PCDH11X: variants seen among roughly 807,000 people sequenced by gnomAD.
The protein encoded by PCDH11X is protocadherin-11 X-linked.
PCDH11X carries 18 observed loss-of-function variants against 53.3 expected under a neutral mutation model. The observed-to-expected ratio is 0.34, with a 90% confidence interval of 0.23 to 0.50. PCDH11X has a LOEUF of 0.50. Among genes scored for constraint, PCDH11X ranks in the 20% least tolerant of loss-of-function variants. The probability of loss-of-function intolerance (pLI) is 0.98; values close to 1 mark genes in which losing one functional copy is unlikely to be tolerated. For missense variants in PCDH11X, 570 were observed against 1,032.4 expected, an observed-to-expected ratio of 0.55 and a Z score of 6.14; for synonymous variants, 279 against 393.3, an observed-to-expected ratio of 0.71 and a Z score of 3.44.
At chrX:92,553,876 T>C (rs1054626646) in intron 10 of PCDH11X, among the ~76,000 whole-genome samples, 1 of 111,111 alleles carries the variant, frequency 9.0e-6, no homozygotes, top group African/African-American at 3.3e-5. Context: ...TTACTCAGAA[T>C]AGAGAATATG....
At chrX:92,005,604 T>C (rs1285850726) in intron 6 of PCDH11X, among the ~76,000 whole-genome samples, 2 of 112,201 alleles carry the variant, frequency 1.8e-5, no homozygotes, top group African/African-American at 3.2e-5. Context: ...GGGTTCATCT[T>C]TTTGCTTTTC....
At position 91,941,723 on chromosome X, in the gene PCDH11X, T is replaced by G. The variant is rs763366758; in HGVS notation, c.3033+62450T>G. Among the ~76,000 whole-genome samples the G allele has an allele frequency of 8.2e-5, 9 of 110,017 alleles. No individual in the cohort carries two copies. In the East Asian group the frequency reaches 2.6e-3, roughly 32 times the overall value. On this transcript the variant is annotated intron_variant, in intron 6 of 10. Coordinates refer to ENST00000682573, the MANE Select transcript of PCDH11X (RefSeq NM_032968.5). ...CTAACTTGACCTAATTGACATTTAT[T>G]GAACATTCCACTCAATGATAGCCGA...
At chrX:91,783,182 T>C (rs1935218815) in intron 1 of PCDH11X, among the ~76,000 whole-genome samples, 1 of 111,800 alleles carries the variant, frequency 8.9e-6, no homozygotes, top group African/African-American at 3.3e-5. Flanking sequence ...AGCTTCCCTT[T>C]CATGACGTAT....
At chrX:92,445,264 C>T (rs1429355327) in intron 9 of PCDH11X, among the ~76,000 whole-genome samples, 23 of 63,768 alleles carry the variant, frequency 3.6e-4, no homozygotes, top group Non-Finnish European at 5.5e-4. Context: ...ACTTGATGTT[C>T]CTCTCTTTAG....
At chrX:92,420,527 C>T (rs761141429) in intron 9 of PCDH11X, 1 of 354,744 alleles carries the variant, frequency 2.8e-6, no homozygotes, top group Non-Finnish European at 5.4e-6. Flanking sequence ...CTTTCTTTAT[C>T]CTTCATCCCA....
chrX:92,276,016 T>C (rs1174871191), intron 8 of PCDH11X, among the ~76,000 whole-genome samples: 1 of 110,232 alleles, frequency 9.1e-6, no homozygotes, highest in Non-Finnish European at 1.9e-5. Flanking sequence ...GGGAAGCAGA[T>C]AATTTGGTTA....
intron 9 of PCDH11X, among the ~76,000 whole-genome samples, chrX:92,411,967 GA>G (rs2071675580): frequency 2.5e-5 from 1 of 40,201 alleles, no homozygotes; most frequent in African/African-American, 8.0e-5. Flanking sequence ...GGAGGAGGAG[GA>G]GGGAAGAAGA....
At chrX:92,311,486 G>A (rs1422413450) in intron 8 of PCDH11X, among the ~76,000 whole-genome samples, 1 of 111,373 alleles carries the variant, frequency 9.0e-6, no homozygotes, top group East Asian at 2.8e-4. Flanking sequence ...AACCCAAGTA[G>A]TCAAATATAT....
At position 92,618,695 on chromosome X, in the gene PCDH11X, C is replaced by T; in HGVS notation, c.3799C>T (p.Leu1267Phe). 1 of 1,211,971 alleles carries T rather than the reference C, an allele frequency of 8.3e-7. No homozygotes were observed. Residue 1267 changes from leucine (L) to phenylalanine (F), a missense_variant, in exon 11 of 11, where the codon CTC (leucine) becomes TTC (phenylalanine). By Grantham distance (22) the Leu-to-Phe change is conservative. Coordinates refer to ENST00000682573, the MANE Select transcript of PCDH11X (RefSeq NM_032968.5). The part of the protein sequence containing the change: ...HSSPLPQVIA[L>F]HRSQAQSSVS... ...CTCTCCTCTGCCACAGGTTATTGCC[C>T]TCCATCGTAGTCAGGCCCAATCATC... is the stretch of plus-strand genomic sequence containing the variant.
In PCDH11X at chrX:91,836,021, G is replaced by A. The variant is rs1937286770; in HGVS notation, c.517G>A (p.Val173Ile). 9 of 1,210,951 alleles carry A rather than the reference G, an allele frequency of 7.4e-6. No individual in the cohort carries two copies. In the East Asian group the frequency reaches 2.1e-4, roughly 28 times the overall value. Reference protein sequence around the residue: ...AVDPDVGINGVQNYELIKSQN... With the variant: ...AVDPDVGINGIQNYELIKSQN... Reference sequence around the variant, plus strand: ...TGATCCTGACGTAGGAATAAACGGAGTTCAAAACTACGAACTAATTAAGGT... The same window carrying A: ...TGATCCTGACGTAGGAATAAACGGAATTCAAAACTACGAACTAATTAAGGT... Residue 173 changes from valine (V) to isoleucine (I), a missense_variant, in exon 5 of 11, where the codon GTT becomes ATT. By Grantham distance (29) the Val-to-Ile change is conservative. This residue lies in a region of PCDH11X where 84 missense variants were observed against 142.0 expected (regional missense o/e 0.59). Transcript: ENST00000682573.
At chrX:92,531,521 G>A (rs1238667889) in intron 10 of PCDH11X, among the ~76,000 whole-genome samples, 1 of 110,184 alleles carries the variant, frequency 9.1e-6, no homozygotes, top group Non-Finnish European at 1.9e-5. Flanking sequence ...ATCATGCTAT[G>A]AAAATTTCCT....
chrX:91,801,195 A>T (rs2147540191), intron 1 of PCDH11X, among the ~76,000 whole-genome samples: 1 of 103,041 alleles, frequency 9.7e-6, no homozygotes, highest in Admixed American at 1.0e-4. Flanking sequence ...AAAAAAAAAA[A>T]AAAGAGTTTA....
intron 6 of PCDH11X, among the ~76,000 whole-genome samples, chrX:92,000,306 G>A (rs2525255): frequency 1.8e-5 from 2 of 111,725 alleles, no homozygotes; most frequent in Non-Finnish European, 3.8e-5. Context: ...CAAGGTGCCA[G>A]TGGACTGGGT....
At chrX:92,561,188 C>A (rs2075125798) in intron 10 of PCDH11X, among the ~76,000 whole-genome samples, 1 of 105,477 alleles carries the variant, frequency 9.5e-6, no homozygotes, top group Non-Finnish European at 1.9e-5. Flanking sequence ...CCAAGAAGGA[C>A]AATCCCAGGC....
At chrX:91,826,568 C>G (rs1157107594) in intron 4 of PCDH11X, among the ~76,000 whole-genome samples, 55 of 74,158 alleles carry the variant, frequency 7.4e-4, no homozygotes, top group African/African-American at 2.9e-3. Context: ...CACCCAGGTA[C>G]TAAGACTAGT....
At chrX:92,313,621 C>T (rs2069004969) in intron 8 of PCDH11X, among the ~76,000 whole-genome samples, 1 of 108,778 alleles carries the variant, frequency 9.2e-6, no homozygotes, top group Non-Finnish European at 1.9e-5. Flanking sequence ...ACTTTCTGAG[C>T]AACGCATTGT....
At chrX:92,555,473 A>G (rs1316017228) in intron 10 of PCDH11X, among the ~76,000 whole-genome samples, 1 of 112,069 alleles carries the variant, frequency 8.9e-6, no homozygotes, top group Non-Finnish European at 1.9e-5. Context: ...ATATAATAAT[A>G]CTGTAATCCT....
At chrX:92,444,401 C>T (rs1305885731) in intron 9 of PCDH11X, among the ~76,000 whole-genome samples, 1 of 99,931 alleles carries the variant, frequency 1.0e-5, no homozygotes, top group Non-Finnish European at 2.0e-5. Context: ...GAAACTTTAC[C>T]ATAGTTCTTT....
chrX:92,227,837 A>G (rs139194668), intron 7 of PCDH11X, among the ~76,000 whole-genome samples: 124 of 111,881 alleles, frequency 1.1e-3, no homozygotes, highest in African/African-American at 3.7e-3. Context: ...TATCCATTTA[A>G]TAATGAACAT....
Sources: allele counts gnomAD v4.1 joint callset (sites outside exome capture counted in the v4.1 genomes callset), GRCh38; gene constraint gnomAD v4.1.1; regional missense constraint gnomAD v4.1.1; transcripts MANE v1.5; gene names NCBI Gene and HGNC (gene_info 2026-07-23, HGNC 2026-07-21).